HAUS2: variants seen among roughly 807,000 people sequenced by gnomAD.
HAUS2 encodes the protein HAUS augmin-like complex subunit 2.
In HAUS2, 20 loss-of-function variants were observed where a neutral mutation model predicts 21.6. That is an observed-to-expected ratio of 0.93 (90% CI 0.65 to 1.35). HAUS2 has a LOEUF of 1.35. Among genes scored for constraint, HAUS2 ranks in the 40% most tolerant of loss-of-function variants. The pLI is 0.00. For missense variants in HAUS2, 297 were observed against 280.7 expected, an observed-to-expected ratio of 1.06 and a Z score of -0.42; for synonymous variants, 113 against 95.6, an observed-to-expected ratio of 1.18 and a Z score of -1.06.
intron 1 of HAUS2, among the ~76,000 whole-genome samples, chr15:42,556,820 C>T (rs1318929882): frequency 7.1e-6 from 1 of 141,502 alleles, no homozygotes; most frequent in Non-Finnish European, 1.5e-5. Context: ...GCCAGGCCAA[C>T]ATGGTGAAAC....
intron 5 of HAUS2, among the ~76,000 whole-genome samples, chr15:42,565,140 T>A (rs1315664072): frequency 6.6e-6 from 1 of 152,174 alleles, no homozygotes; most frequent in African/African-American, 2.4e-5. Context: ...CTTGCCAAAG[T>A]AAGCTGAATC....
intron 3 of HAUS2, among the ~76,000 whole-genome samples, chr15:42,560,381 A>G (rs1361089589): frequency 1.3e-5 from 2 of 151,466 alleles, no homozygotes; most frequent in African/African-American, 2.4e-5. Context: ...TGGATCAGCA[A>G]AAATTAGAGA....
chr15:42,561,764 C>G (rs565645885), intron 4 of HAUS2: 3 of 195,000 alleles, frequency 1.5e-5, no homozygotes, highest in African/African-American at 7.0e-5. Context: ...CGGGGTTTAA[C>G]TGGGGCAGAT....
intron 1 of HAUS2, among the ~76,000 whole-genome samples, chr15:42,552,173 C>T (rs2057732275): frequency 6.6e-6 from 1 of 152,086 alleles, no homozygotes; most frequent in South Asian, 2.1e-4. Flanking sequence ...CAGGCGCGCA[C>T]CACCACGCCC....
chr15:42,549,080 T>C (rs563660806), intron 1 of HAUS2, 115 bp downstream of exon 1: 2 of 658,428 alleles, frequency 3.0e-6, no homozygotes, highest in Non-Finnish European at 5.3e-6. Context: ...GGGTCTGTAC[T>C]AGAGTAATAA....
chr15:42,565,844 C>A (rs765293198), intron 5 of HAUS2, among the ~76,000 whole-genome samples: 5 of 152,188 alleles, frequency 3.3e-5, no homozygotes, highest in African/African-American at 9.6e-5. Flanking sequence ...AGGGACACAT[C>A]AAAAATAATG....
chr15:42,550,488 C>T (rs1315349053), intron 1 of HAUS2, among the ~76,000 whole-genome samples: 1 of 152,154 alleles, frequency 6.6e-6, no homozygotes, highest in African/African-American at 2.4e-5. Flanking sequence ...CCTTTTGACA[C>T]ATTGTATCCC....
rs200759756 is a variant in HAUS2 at position 42,548,847 on chromosome 15, G to T, written c.-26G>T. On this transcript the variant is annotated 5_prime_UTR_variant, in exon 1 of 6. Transcript: ENST00000260372. ...CCCTGCGATCCCGCTCACTCTTGGC[G>T]CCTTCGCGGAAGGTGCGTCCGAGCC... 2 of 1,525,546 alleles carry T rather than the reference G, an allele frequency of 1.3e-6. No individual in the cohort carries two copies. Among genetic ancestry groups the T allele is most frequent in the East Asian group, 2.5e-5 (1 of 40,784 alleles). The allele number at this position is 1,525,546 out of a possible 1,614,324, so 94.5% of individuals were successfully genotyped here.
intron 3 of HAUS2, among the ~76,000 whole-genome samples, chr15:42,559,696 G>A (rs1024878620): frequency 4.6e-5 from 7 of 152,164 alleles, no homozygotes; most frequent in African/African-American, 1.7e-4. Context: ...GACAACTAAA[G>A]CACTGTATGA....
At chr15:42,563,061 C>T (rs935143551) in intron 4 of HAUS2, among the ~76,000 whole-genome samples, 1 of 149,226 alleles carries the variant, frequency 6.7e-6, no homozygotes, top group Non-Finnish European at 1.5e-5. Context: ...TACAGTGAGC[C>T]GAGATTGTGC....
rs139933934 is a variant in HAUS2 at position 42,565,387 on chromosome 15, A to ATGTGTGTGTG, written c.499-1184_499-1175dup. Among the ~76,000 whole-genome samples, 1,064 of 136,462 alleles carry ATGTGTGTGTG rather than the reference A, an allele frequency of 7.8e-3. 10 individuals carry two copies. Among genetic ancestry groups the ATGTGTGTGTG allele is most frequent in the African/African-American group, 0.024 (922 of 37,926 alleles). 89.5% of individuals were successfully genotyped at this position (136,462 alleles called of 152,430 possible). On this transcript the variant is annotated intron_variant, in intron 5 of 5. Transcript: ENST00000260372. ...TGTCTGAGTATTGGGGAGCCATTGAATGTGTGTGTGTGTGTGTGTGTGTGT... is the reference window on the plus strand; with the variant it reads ...TGTCTGAGTATTGGGGAGCCATTGAATGTGTGTGTGTGTGTGTGTGTGTGTGTGTGTGTGT...
At chr15:42,558,379 G>C (rs537005463) in intron 2 of HAUS2, 89 bp downstream of exon 2, 1 of 589,114 alleles carries the variant, frequency 1.7e-6, no homozygotes, top group Admixed American at 3.3e-5. Flanking sequence ...GGAGGCTGGA[G>C]TGCAGTGGCA....
chr15:42,565,781 A>AT (rs1430682036), intron 5 of HAUS2, among the ~76,000 whole-genome samples: 1 of 152,144 alleles, frequency 6.6e-6, no homozygotes, highest in Non-Finnish European at 1.5e-5. Context: ...ACAGAAGATA[A>AT]TTTTTTTAGA....
chr15:42,557,221 C>G (rs1488797153), intron 1 of HAUS2, among the ~76,000 whole-genome samples: 2 of 142,392 alleles, frequency 1.4e-5, no homozygotes, highest in African/African-American at 5.2e-5. Flanking sequence ...GAGGCTGAGG[C>G]AGGAGAATGG....
chr15:42,560,082 G>A (rs1328512147), intron 3 of HAUS2, among the ~76,000 whole-genome samples: 1 of 152,192 alleles, frequency 6.6e-6, no homozygotes. Context: ...TTGAGCCTGG[G>A]AGGTCGAGGC....
chr15:42,552,959 C>T (rs1934345825), intron 1 of HAUS2, among the ~76,000 whole-genome samples: 2 of 150,768 alleles, frequency 1.3e-5, no homozygotes, highest in African/African-American at 2.4e-5. Flanking sequence ...TTTATACATA[C>T]ATATATGGTA....
intron 2 of HAUS2, 58 bp downstream of exon 2, chr15:42,558,348 T>C (rs1203022144): frequency 1.2e-5 from 8 of 658,396 alleles, no homozygotes; most frequent in Non-Finnish European, 1.8e-5. Flanking sequence ...TGAGACGGAG[T>C]CTTGCTCTGT....
At chr15:42,565,294 TGAG>T (rs1195147129) in intron 5 of HAUS2, among the ~76,000 whole-genome samples, 1 of 152,040 alleles carries the variant, frequency 6.6e-6, no homozygotes, top group Non-Finnish European at 1.5e-5. Context: ...GTAAAGGTAT[TGAG>T]GAGATTAGCT....
intron 1 of HAUS2, among the ~76,000 whole-genome samples, chr15:42,552,163 C>T (rs2899059): frequency 0.085 from 12,866 of 152,056 alleles, 609 homozygotes; most frequent in South Asian, 0.15. Context: ...CCTGAGATTA[C>T]AGGCGCGCAC....
Sources: gnomAD v4.1 joint callset for allele counts (sites outside exome capture counted in the v4.1 genomes callset) on GRCh38, gnomAD v4.1.1 for gene constraint, MANE v1.5 for transcripts, NCBI Gene and HGNC (gene_info 2026-07-23, HGNC 2026-07-21) for gene names.